Variants in PLPPR1 observed in about 807,000 individuals in gnomAD.
PLPPR1 encodes the protein phospholipid phosphatase-related protein type 1.
A neutral mutation model predicts 33.1 loss-of-function variants in PLPPR1; 10 were observed. The observed-to-expected ratio is 0.30, with a 90% CI of 0.19 to 0.51. The LOEUF (loss-of-function observed/expected upper bound fraction) is 0.51. Among genes scored for constraint, PLPPR1 ranks in the 20% least tolerant of loss-of-function variants. The probability of loss-of-function intolerance (pLI) is 0.97; values close to 1 mark genes in which losing one functional copy is unlikely to be tolerated. For missense variants in PLPPR1, 304 were observed against 408.1 expected (o/e 0.74, Z 2.20); for synonymous variants, 151 against 151.0 (o/e 1.00, Z 0.00).
intron 1 of PLPPR1, among the ~76,000 whole-genome samples, chr9:101,088,193 C>T (rs949517915): frequency 1.3e-5 from 2 of 151,988 alleles, no homozygotes; most frequent in Non-Finnish European, 2.9e-5. Flanking sequence ...TCTGATAAAA[C>T]GGTGCAGGTA....
chr9:101,179,734 C>T (rs1274001408), intron 1 of PLPPR1, among the ~76,000 whole-genome samples: 1 of 151,902 alleles, frequency 6.6e-6, no homozygotes, highest in African/African-American at 2.4e-5. Flanking sequence ...TACTGAGTGT[C>T]AACTTGATTG....
chr9:101,197,936 T>C (rs1826427939), intron 2 of PLPPR1, among the ~76,000 whole-genome samples: 2 of 152,154 alleles, frequency 1.3e-5, no homozygotes, highest in African/African-American at 2.4e-5. Flanking sequence ...TACCCAATTG[T>C]TTTTACAAGA....
intron 1 of PLPPR1, among the ~76,000 whole-genome samples, chr9:101,033,516 T>G (rs762176746): frequency 6.6e-5 from 10 of 152,160 alleles, no homozygotes; most frequent in Non-Finnish European, 1.0e-4. Context: ...AGCCAAAGAC[T>G]AAATTTCAGC....
intron 2 of PLPPR1, among the ~76,000 whole-genome samples, chr9:101,201,046 C>T (rs952882597): frequency 6.6e-5 from 10 of 152,132 alleles, no homozygotes; most frequent in South Asian, 4.1e-4. Flanking sequence ...GTATTTTTCA[C>T]GGTTCTGGGG....
chr9:101,318,140 G>A (rs182542488), intron 7 of PLPPR1, among the ~76,000 whole-genome samples: 7 of 152,178 alleles, frequency 4.6e-5, no homozygotes, highest in Non-Finnish European at 7.4e-5. Context: ...AGACCAACCT[G>A]GGCAATGTAA....
At chr9:101,180,239 A>T (rs1826087188) in intron 1 of PLPPR1, among the ~76,000 whole-genome samples, 1 of 148,464 alleles carries the variant, frequency 6.7e-6, no homozygotes, top group Non-Finnish European at 1.5e-5. Context: ...CATACATTCC[A>T]TTAATTCTGA....
chr9:101,194,491 T>A (rs1428085597), intron 2 of PLPPR1, among the ~76,000 whole-genome samples: 8 of 152,280 alleles, frequency 5.3e-5, no homozygotes, highest in African/African-American at 1.9e-4. Context: ...GGCTCACACC[T>A]GTAATCCTCG....
At chr9:101,243,253 T>G (rs1588091991) in intron 2 of PLPPR1, among the ~76,000 whole-genome samples, 1 of 152,096 alleles carries the variant, frequency 6.6e-6, no homozygotes, top group East Asian at 1.9e-4. Flanking sequence ...GTTGGGATTT[T>G]TATCCTCTAG....
intron 2 of PLPPR1, among the ~76,000 whole-genome samples, chr9:101,226,766 A>G (rs1337341840): frequency 1.3e-5 from 2 of 149,736 alleles, no homozygotes; most frequent in African/African-American, 4.8e-5. Flanking sequence ...ATCAAAGCTT[A>G]TATTTTTTTA....
At chr9:101,156,560 AAAAAAAAAAAAAAG>A (rs899216612) in intron 1 of PLPPR1, among the ~76,000 whole-genome samples, 4 of 137,930 alleles carry the variant, frequency 2.9e-5, no homozygotes, top group African/African-American at 7.7e-5. Flanking sequence ...TCCAAAAAAA[AAAAAAAAAAAAAAG>A]AAAGAAAGAA....
intron 3 of PLPPR1, among the ~76,000 whole-genome samples, chr9:101,270,529 A>G (rs1276940505): frequency 6.6e-6 from 1 of 152,204 alleles, no homozygotes; most frequent in East Asian, 1.9e-4. Context: ...ACCAGAGATG[A>G]GAGAAATTGC....
chr9:101,164,365 C>CTTT (rs66835142), intron 1 of PLPPR1, among the ~76,000 whole-genome samples: 3 of 133,512 alleles, frequency 2.2e-5, no homozygotes, highest in Non-Finnish European at 3.1e-5. Context: ...CTTTTCTTTT[C>CTTT]TTTTTTTTTT....
intron 4 of PLPPR1, among the ~76,000 whole-genome samples, chr9:101,294,767 A>C (rs1233529979): frequency 6.6e-6 from 1 of 151,872 alleles, no homozygotes; most frequent in Non-Finnish European, 1.5e-5. Context: ...CATGCTAAAA[A>C]CTCTCAATAA....
At chr9:101,148,551 C>T (rs1177670584) in intron 1 of PLPPR1, among the ~76,000 whole-genome samples, 2 of 152,268 alleles carry the variant, frequency 1.3e-5, no homozygotes, top group East Asian at 1.9e-4. Context: ...TGAGGTTAAG[C>T]CCTTTCTGTC....
At chr9:101,234,579 C>T (rs141576432) in intron 2 of PLPPR1, among the ~76,000 whole-genome samples, 432 of 151,614 alleles carry the variant, frequency 2.8e-3, no homozygotes, top group Non-Finnish European at 4.4e-3. Context: ...AATTCTATAC[C>T]GTAATGCTAT....
chr9:101,307,512 G>A (rs1295062413), intron 4 of PLPPR1, among the ~76,000 whole-genome samples: 1 of 152,132 alleles, frequency 6.6e-6, no homozygotes, highest in African/African-American at 2.4e-5. Context: ...AACTGCCTCG[G>A]ATGATCAATG....
intron 1 of PLPPR1, among the ~76,000 whole-genome samples, chr9:101,151,630 C>G (rs1348380316): frequency 6.6e-6 from 1 of 152,174 alleles, no homozygotes; most frequent in African/African-American, 2.4e-5. Flanking sequence ...GGCAGTATTA[C>G]TTGTCACCCT....
intron 5 of PLPPR1, among the ~76,000 whole-genome samples, chr9:101,309,954 C>G (rs1250900546): frequency 1.3e-5 from 2 of 152,174 alleles, no homozygotes; most frequent in Non-Finnish European, 2.9e-5. Context: ...TTCCTTTGCT[C>G]TGGCACTTTT....
chr9:101,269,942 G>T lies in PLPPR1; in HGVS notation c.126G>T (p.Gln42His), dbSNP rs1588104643. Reference protein sequence around the residue: ...AYYFECTDTFQVHIQGFFCQD... With the variant: ...AYYFECTDTFHVHIQGFFCQD... ...ACTTCGAATGCACTGACACTTTTCA[G>T]GTGCATATCCAAGGATTCTTCTGTC... The change falls in exon 3 of 8, where the codon CAG becomes CAT. Residue 42 changes from glutamine to histidine, a missense_variant. By Grantham distance (24) the Gln-to-His change is conservative. Transcript: ENST00000374874. 2 of 1,614,146 alleles carry T rather than the reference G, an allele frequency of 1.2e-6. No homozygotes were observed. The highest frequency in any genetic ancestry group is 4.5e-5 in the East Asian group (2 of 44,882).
Sources: allele counts gnomAD v4.1 joint callset (sites outside exome capture counted in the v4.1 genomes callset), GRCh38; gene constraint gnomAD v4.1.1; transcripts MANE v1.5; gene names NCBI Gene and HGNC (gene_info 2026-07-23, HGNC 2026-07-21).